Variants in CIT observed in about 807,000 individuals in gnomAD.
CIT encodes citron Rho-interacting kinase.
A neutral mutation model predicts 272.7 loss-of-function variants in CIT; 79 were observed. The ratio of observed to expected loss-of-function variants is 0.29; its 90% CI spans 0.24 to 0.35. The LOEUF (loss-of-function observed/expected upper bound fraction) is 0.35. CIT is among the 10% of genes least tolerant of loss of function. CIT has a pLI of 1.00. For synonymous variants in CIT, 948 were observed against 995.6 expected, an observed-to-expected ratio of 0.95 and a Z score of 0.90; for missense variants, 1,909 against 2,618.3, an observed-to-expected ratio of 0.73 and a Z score of 5.91.
intron 9 of CIT, among the ~76,000 whole-genome samples, chr12:119,822,577 G>T (rs1000634302): frequency 6.6e-6 from 1 of 152,188 alleles, no homozygotes; most frequent in African/African-American, 2.4e-5. Context: ...CTTACTGAGG[G>T]ATAATATTCT....
At chr12:119,844,435 T>C (rs1280877727) in intron 5 of CIT, among the ~76,000 whole-genome samples, 1 of 152,086 alleles carries the variant, frequency 6.6e-6, no homozygotes, top group African/African-American at 2.4e-5. Flanking sequence ...AGGGAATGAA[T>C]AAAGACTAAA....
intron 7 of CIT, among the ~76,000 whole-genome samples, chr12:119,826,311 A>G (rs760200975): frequency 2.0e-5 from 3 of 152,070 alleles, no homozygotes; most frequent in Non-Finnish European, 4.4e-5. Context: ...TTATAATCCA[A>G]TGGCACCCAA....
chr12:119,832,327 G>A (rs1359965497), intron 7 of CIT, among the ~76,000 whole-genome samples: 1 of 152,130 alleles, frequency 6.6e-6, no homozygotes, highest in African/African-American at 2.4e-5. Flanking sequence ...ATGATATTTT[G>A]AGCACTTGGT....
intron 30 of CIT, among the ~76,000 whole-genome samples, chr12:119,719,975 C>G (rs1957743545): frequency 6.6e-6 from 1 of 152,172 alleles, no homozygotes; most frequent in African/African-American, 2.4e-5. Flanking sequence ...AGTGTCCAGT[C>G]AGACACTTCA....
intron 10 of CIT, among the ~76,000 whole-genome samples, chr12:119,802,823 A>G (rs1422838132): frequency 1.3e-5 from 2 of 152,164 alleles, no homozygotes; most frequent in Admixed American, 1.3e-4. Context: ...CACTTGAGAG[A>G]CAGATACATA....
chr12:119,735,523 G>A (rs1279066760), intron 24 of CIT, among the ~76,000 whole-genome samples, 166 bp from the exon 25 acceptor site: 1 of 152,164 alleles, frequency 6.6e-6, no homozygotes, highest in Non-Finnish European at 1.5e-5. Context: ...CCTATGCCCA[G>A]CCACTTAACT....
At chr12:119,795,325 T>G (rs1965636847) in intron 10 of CIT, among the ~76,000 whole-genome samples, 2 of 152,178 alleles carry the variant, frequency 1.3e-5, no homozygotes, top group South Asian at 4.1e-4. Flanking sequence ...AGGCGGAGGT[T>G]GCAATAAGCT....
chr12:119,714,778 T>C (rs1042312729), intron 32 of CIT, among the ~76,000 whole-genome samples: 13 of 152,220 alleles, frequency 8.5e-5, no homozygotes, highest in African/African-American at 2.4e-4. Context: ...CTGGTAGTTC[T>C]GTAAAAGGTT....
intron 40 of CIT, among the ~76,000 whole-genome samples, chr12:119,704,914 A>G (rs931011216): frequency 3.9e-5 from 6 of 152,114 alleles, no homozygotes; most frequent in African/African-American, 1.4e-4. Context: ...GAATTTAGAG[A>G]AAATTTCTTT....
At position 119,857,617 on chromosome 12, in the gene CIT, T is replaced by G. The variant is rs200130114; in HGVS notation, c.320A>C (p.His107Pro). 1 of 1,614,222 alleles carries G rather than the reference T, an allele frequency of 6.2e-7. No homozygotes were observed. The highest frequency in any genetic ancestry group is 8.5e-7 in the Non-Finnish European group (1 of 1,180,044). ...TCTTACCACCTGCACTTCAGCAAAG[T>G]GACCACAACCTACAAGACTTCTGAC... ...FEVRSLVGCG[H>P]FAEVQVVREK... is the part of the protein sequence containing the mutation. The change falls in exon 4 of 48, where the codon CAC becomes CCC. Residue 107 changes from histidine to proline, a missense_variant. By Grantham distance (77) the His-to-Pro change is moderately conservative. Around this residue, in one of 8 missense-constraint regions of CIT, gnomAD observed 529 missense variants for 549.6 expected, o/e 0.96. Coordinates refer to ENST00000392521, the MANE Select transcript of CIT (RefSeq NM_001206999.2).
At chr12:119,747,007 TGTGA>T (rs1197730204) in intron 23 of CIT, among the ~76,000 whole-genome samples, 1 of 149,698 alleles carries the variant, frequency 6.7e-6, no homozygotes, top group Non-Finnish European at 1.5e-5. Context: ...CAATGAAATG[TGTGA>T]GTGTTAATTA....
At chr12:119,861,356 C>A (rs771317771) in intron 3 of CIT, among the ~76,000 whole-genome samples, 3 of 151,828 alleles carry the variant, frequency 2.0e-5, no homozygotes, top group Non-Finnish European at 4.4e-5. Flanking sequence ...GAGGCTGAAG[C>A]GGGTGGATCA....
intron 7 of CIT, among the ~76,000 whole-genome samples, chr12:119,830,773 G>C (rs1396779541): frequency 6.6e-6 from 1 of 152,158 alleles, no homozygotes; most frequent in East Asian, 1.9e-4. Context: ...GAATTATTCA[G>C]ATCAAAATGT....
chr12:119,804,007 C>A lies in CIT; in HGVS notation c.1112-618G>T, dbSNP rs1420951951. The A allele has an allele frequency of 2.0e-5, 5 of 252,254 alleles. No homozygotes were observed. The highest frequency in any genetic ancestry group is 3.1e-5 in the Non-Finnish European group (5 of 162,650). The allele number at this position is 252,254 out of a possible 1,614,324, so 15.6% of individuals were successfully genotyped here. On this transcript the variant is annotated intron_variant, in intron 9 of 47. Coordinates refer to ENST00000392521, the MANE Select transcript of CIT (RefSeq NM_001206999.2). The surrounding 1 kb of genome is among the most constrained non-coding windows in gnomAD (Gnocchi z 5.3). Reference sequence around the variant, plus strand: ...TAACCACTTTTTTTTTTTTTTAGTTCATTATGCATCTTCCCCAGCGCAATC... The same window carrying A: ...TAACCACTTTTTTTTTTTTTTAGTTAATTATGCATCTTCCCCAGCGCAATC...
chr12:119,718,473 G>T lies in CIT; in HGVS notation c.4004-64C>A. The T allele has an allele frequency of 6.5e-7, 1 of 1,541,174 alleles. No individual in the cohort carries two copies. Among genetic ancestry groups the T allele is most frequent in the South Asian group, 1.2e-5 (1 of 80,690 alleles). On this transcript the variant is annotated intron_variant, in intron 31 of 47. Transcript: ENST00000392521. This position sits in a 1 kb window ranked among gnomAD's most constrained non-coding sequence, Gnocchi z 4.8. Reference sequence around the variant, plus strand: ...GTCGCCTAGAGGACCAAACTAAGCCGAATGTCCCTGGGCTATCTTTCAAGG... The same window carrying T: ...GTCGCCTAGAGGACCAAACTAAGCCTAATGTCCCTGGGCTATCTTTCAAGG...
chr12:119,730,279 C>T (rs555546161), intron 27 of CIT, among the ~76,000 whole-genome samples: 17 of 152,072 alleles, frequency 1.1e-4, no homozygotes, highest in East Asian at 5.8e-4. Flanking sequence ...AGTCACTGGC[C>T]GACTGTGATC....
chr12:119,732,587 A>T (rs560271046), intron 26 of CIT, among the ~76,000 whole-genome samples: 5 of 152,250 alleles, frequency 3.3e-5, no homozygotes, highest in Admixed American at 6.5e-5. Flanking sequence ...ACAAAAAGGA[A>T]CTATTTCTAC....
At chr12:119,845,670 A>G (rs1370008290) in intron 5 of CIT, among the ~76,000 whole-genome samples, 1 of 146,112 alleles carries the variant, frequency 6.8e-6, no homozygotes, top group African/African-American at 2.6e-5. Flanking sequence ...AAAAAAAAAA[A>G]GCCAGGCGTG....
At chr12:119,825,984 C>A (rs1968129452) in intron 7 of CIT, among the ~76,000 whole-genome samples, 1 of 152,170 alleles carries the variant, frequency 6.6e-6, no homozygotes, top group South Asian at 2.1e-4. Flanking sequence ...ACAAGAATCG[C>A]TTGAACCTGG....
Sources: gnomAD v4.1 joint callset for allele counts (sites outside exome capture counted in the v4.1 genomes callset) on GRCh38, gnomAD v4.1.1 for gene constraint, gnomAD v4.1.1 regional missense constraint, Gnocchi (gnomAD v3.1) non-coding constraint, MANE v1.5 for transcripts, NCBI Gene and HGNC (gene_info 2026-07-23, HGNC 2026-07-21) for gene names.